Variants in RFX3 observed in about 807,000 individuals in gnomAD.
RFX3 encodes transcription factor RFX3.
RFX3 carries 14 observed loss-of-function variants against 98.6 expected under a neutral mutation model. The ratio of observed to expected loss-of-function variants is 0.14; its 90% CI spans 0.09 to 0.22. The LOEUF (loss-of-function observed/expected upper bound fraction) is 0.22, where lower values mean the gene tolerates loss of function less well. Ranked by LOEUF, RFX3 falls within the 10% of genes least tolerant of loss-of-function variation. The pLI, the probability that RFX3 is intolerant of heterozygous loss-of-function variation, is 1.00. For synonymous variants in RFX3, 383 were observed against 328.4 expected (o/e 1.17, Z -1.80); for missense variants, 639 against 926.9 (o/e 0.69, Z 4.03).
At chr9:3,423,075 T>C (rs1354165289) in intron 1 of RFX3, among the ~76,000 whole-genome samples, 2 of 152,230 alleles carry the variant, frequency 1.3e-5, no homozygotes, top group African/African-American at 4.8e-5. Flanking sequence ...TCCTGATGAC[T>C]ACAGGCTTCT....
chr9:3,298,090 A>G (rs549443501), intron 5 of RFX3, among the ~76,000 whole-genome samples: 29 of 151,940 alleles, frequency 1.9e-4, no homozygotes, highest in African/African-American at 5.5e-4. Flanking sequence ...AAAATTAGAA[A>G]CAAAAATATT....
intron 1 of RFX3, among the ~76,000 whole-genome samples, chr9:3,430,426 T>C (rs917866448): frequency 6.6e-6 from 1 of 152,162 alleles, no homozygotes; most frequent in Non-Finnish European, 1.5e-5. Context: ...TCCTCAGAAA[T>C]AAGATAGAGA....
intron 1 of RFX3, among the ~76,000 whole-genome samples, chr9:3,398,914 TAAAAAA>T (rs71324247): frequency 4.6e-4 from 31 of 67,562 alleles, no homozygotes; most frequent in East Asian, 9.6e-4. Context: ...TAGAGTATAA[TAAAAAA>T]AAAAAAAAAA....
At chr9:3,378,044 T>C (rs573880450) in intron 2 of RFX3, among the ~76,000 whole-genome samples, 1 of 152,318 alleles carries the variant, frequency 6.6e-6, no homozygotes, top group East Asian at 1.9e-4. Context: ...TATTTAAGTA[T>C]CCTGTTCATT....
At chr9:3,264,933 G>C (rs656686) in intron 12 of RFX3, among the ~76,000 whole-genome samples, 122,824 of 152,178 alleles carry the variant, frequency 0.81, 50,541 homozygotes, top group East Asian at 0.9. Flanking sequence ...GCTTTTAGCT[G>C]TTTGAGGTAT....
intron 15 of RFX3, among the ~76,000 whole-genome samples, chr9:3,235,465 C>T (rs572823384): frequency 6.6e-6 from 1 of 152,286 alleles, no homozygotes; most frequent in East Asian, 1.9e-4. Context: ...CCTATTGCTG[C>T]TGCAACAAAT....
chr9:3,328,089 G>A lies in RFX3; in HGVS notation c.474+2170C>T, dbSNP rs543938945. The stretch of plus-strand genomic sequence containing the variant: ...AGGAATACCTAGAAGAGGTGAGGTA[G>A]GAAAGGAATGGGGTTTCGAAGGATG... On this transcript the variant is annotated intron_variant, in intron 4 of 16. Transcript: ENST00000617270. Among the ~76,000 whole-genome samples, 21 of 152,220 alleles carry A rather than the reference G, an allele frequency of 1.4e-4. No homozygotes were observed. In the East Asian group the frequency reaches 3.7e-3, roughly 27 times the overall value.
chr9:3,231,218 A>C (rs1256774752), intron 15 of RFX3, among the ~76,000 whole-genome samples: 1 of 152,204 alleles, frequency 6.6e-6, no homozygotes, highest in African/African-American at 2.4e-5. Flanking sequence ...CAGCAAATAG[A>C]GAGAGTAGAT....
intron 5 of RFX3, among the ~76,000 whole-genome samples, chr9:3,297,211 A>C (rs1210495942): frequency 6.6e-6 from 1 of 152,140 alleles, no homozygotes; most frequent in Admixed American, 6.6e-5. Flanking sequence ...ATTTAGAACG[A>C]AACAATTATT....
chr9:3,356,226 T>A lies in RFX3; in HGVS notation c.118-9462A>T, dbSNP rs145989675. ...GAAGGAAAGAAGTTAATAAAAGAAA[T>A]AAAAATATGAAAACAGAAAAAAATA... On this transcript the variant is annotated intron_variant, in intron 2 of 16. Transcript: ENST00000617270. Among the ~76,000 whole-genome samples, 744 of 145,642 alleles carry A rather than the reference T, an allele frequency of 5.1e-3. 7 individuals are homozygous for A. Among genetic ancestry groups the A allele is most frequent in the Admixed American group, 8.5e-3 (125 of 14,768 alleles).
At chr9:3,331,681 C>A (rs1158356496) in intron 3 of RFX3, among the ~76,000 whole-genome samples, 1 of 152,084 alleles carries the variant, frequency 6.6e-6, no homozygotes, top group African/African-American at 2.4e-5. Context: ...CTTTTGGAAT[C>A]TCCAATTTTT....
chr9:3,239,584 C>T (rs532458829), intron 15 of RFX3, among the ~76,000 whole-genome samples: 11 of 152,364 alleles, frequency 7.2e-5, no homozygotes, highest in African/African-American at 2.6e-4. Flanking sequence ...GTCTAAGACA[C>T]ACTTACAAGT....
intron 11 of RFX3, 35 bp from the exon 12 acceptor site, chr9:3,266,340 A>T (rs1823625947): frequency 7.4e-7 from 1 of 1,354,900 alleles, no homozygotes; most frequent in Non-Finnish European, 1.1e-6. Flanking sequence ...GATAAAAAAA[A>T]GTATGAAAGA....
chr9:3,497,549 G>C (rs778799587), intron 1 of RFX3, among the ~76,000 whole-genome samples: 3 of 151,776 alleles, frequency 2.0e-5, no homozygotes, highest in African/African-American at 7.3e-5. Flanking sequence ...CTGATCTCTC[G>C]AACTAGGATG....
chr9:3,523,122 C>T (rs1182676625), intron 1 of RFX3, among the ~76,000 whole-genome samples: 1 of 152,126 alleles, frequency 6.6e-6, no homozygotes, highest in Non-Finnish European at 1.5e-5. Flanking sequence ...ATAGGCAAAA[C>T]ACACCAAAAC....
intron 9 of RFX3, among the ~76,000 whole-genome samples, chr9:3,275,034 T>G (rs184168061): frequency 9.9e-5 from 15 of 152,210 alleles, no homozygotes; most frequent in African/African-American, 3.4e-4. Context: ...TTTTGGTATG[T>G]GTATAGAGTT....
intron 1 of RFX3, among the ~76,000 whole-genome samples, chr9:3,478,959 C>T (rs947681011): frequency 2.0e-5 from 3 of 152,194 alleles, no homozygotes; most frequent in Non-Finnish European, 2.9e-5. Flanking sequence ...TCCAGCCACT[C>T]TCTCTGAAAA....
chr9:3,349,649 T>C (rs182013985), intron 2 of RFX3, among the ~76,000 whole-genome samples: 1 of 152,242 alleles, frequency 6.6e-6, no homozygotes, highest in Admixed American at 6.5e-5. Flanking sequence ...TTTCTTTTTC[T>C]CTATATCTTT....
At chr9:3,439,551 A>G (rs141447114) in intron 1 of RFX3, among the ~76,000 whole-genome samples, 1,862 of 152,134 alleles carry the variant, frequency 0.012, 28 homozygotes, top group African/African-American at 0.043. Context: ...ATTTAATAGC[A>G]GAAGTAATCA....
Sources: gnomAD v4.1 joint callset for allele counts (sites outside exome capture counted in the v4.1 genomes callset) on GRCh38, gnomAD v4.1.1 for gene constraint, MANE v1.5 for transcripts, NCBI Gene and HGNC (gene_info 2026-07-23, HGNC 2026-07-21) for gene names.